The following TMOD1 variants were observed in gnomAD, a reference collection of about 807,000 sequenced individuals.
The protein encoded by TMOD1 is tropomodulin-1.
A neutral mutation model predicts 40.6 loss-of-function variants in TMOD1; 17 were observed. The ratio of observed to expected loss-of-function variants is 0.42; its 90% confidence interval spans 0.29 to 0.63. The LOEUF (loss-of-function observed/expected upper bound fraction) is 0.63. Among genes scored for constraint, TMOD1 ranks in the 20% least tolerant of loss-of-function variants. The pLI, the probability that TMOD1 is intolerant of heterozygous loss-of-function variation, is 0.22. For synonymous variants in TMOD1, 181 were observed against 175.0 expected (o/e 1.03, Z -0.27); for missense variants, 391 against 447.6 (o/e 0.87, Z 1.14).
chr9:97,509,613 C>T (rs1829662653), intron 1 of TMOD1, among the ~76,000 whole-genome samples: 1 of 151,672 alleles, frequency 6.6e-6, no homozygotes, highest in African/African-American at 2.4e-5. Flanking sequence ...GGTCCTCCCC[C>T]AAACCCCAGA....
rs9539 is a variant in TMOD1, at chr9:97,600,317, T to C, written c.*619T>C. On this transcript the variant is annotated 3_prime_UTR_variant, in exon 10 of 10. Coordinates refer to ENST00000259365, the MANE Select transcript of TMOD1 (RefSeq NM_003275.4). ...CCTTTTGCTGGATATGCAGAAATGA[T>C]AGGAAAAAAACCAATGGTGAAATTT... The C allele has an allele frequency of 0.028, 27,381 of 985,902 alleles. 4,807 individuals are homozygous for C. In the African/African-American group the frequency reaches 0.39, roughly 14 times the overall value. 61.1% of individuals were successfully genotyped at this position (985,902 alleles called of 1,614,324 possible). A position where few individuals can be genotyped will look rare whatever the true frequency, so the allele number is the denominator to read the frequency against.
At chr9:97,531,145 T>C (rs1307583734) in intron 2 of TMOD1, among the ~76,000 whole-genome samples, 3 of 150,190 alleles carry the variant, frequency 2.0e-5, no homozygotes, top group Non-Finnish European at 4.4e-5. Context: ...ATGCTAAGCA[T>C]TTTATGGGCA....
At chr9:97,561,250 G>A (rs996840699) in intron 4 of TMOD1, among the ~76,000 whole-genome samples, 1 of 152,180 alleles carries the variant, frequency 6.6e-6, no homozygotes, top group Admixed American at 6.5e-5. Flanking sequence ...GCTGTTCCTA[G>A]GAAAAGACAC....
At chr9:97,526,763 C>T (rs1357032366) in intron 2 of TMOD1, among the ~76,000 whole-genome samples, 2 of 152,150 alleles carry the variant, frequency 1.3e-5, no homozygotes, top group Admixed American at 1.3e-4. Flanking sequence ...TCCATGTGAC[C>T]TTGGACCAAG....
intron 8 of TMOD1, among the ~76,000 whole-genome samples, chr9:97,589,279 A>ATT (rs563136711): frequency 1.6e-4 from 18 of 109,468 alleles, no homozygotes; most frequent in East Asian, 2.7e-4. Flanking sequence ...AAACTCACTA[A>ATT]TTTTTTTTTT....
intron 8 of TMOD1, among the ~76,000 whole-genome samples, chr9:97,586,305 G>T (rs1212005003): frequency 2.0e-5 from 3 of 152,226 alleles, no homozygotes; most frequent in Non-Finnish European, 4.4e-5. Flanking sequence ...GTGCCTCCCA[G>T]TTAGGCTGCC....
intron 4 of TMOD1, among the ~76,000 whole-genome samples, chr9:97,559,866 T>C (rs2131262350): frequency 7.5e-6 from 1 of 134,090 alleles, no homozygotes; most frequent in East Asian, 2.3e-4. Flanking sequence ...GAGATTCTGA[T>C]TGGTTGGTCC....
chr9:97,512,283 T>A (rs10739429), intron 1 of TMOD1, among the ~76,000 whole-genome samples: 80,489 of 152,036 alleles, frequency 0.53, 21,740 homozygotes, highest in Middle Eastern at 0.63. Flanking sequence ...GTTGACAAGG[T>A]TGTGGAGCAG....
chr9:97,502,976 C>A lies in TMOD1; in HGVS notation c.-49+1173C>A, dbSNP rs1829530107. Reference sequence around the variant, plus strand: ...TTCACCCACCGCTACTATTACAGACCCTGTCTCCAGCCCTCGCCCTATGCC... The same window carrying A: ...TTCACCCACCGCTACTATTACAGACACTGTCTCCAGCCCTCGCCCTATGCC... On this transcript the variant is annotated intron_variant, in intron 1 of 9. Transcript: ENST00000259365. The surrounding 1 kb of genome is among the most constrained non-coding windows in gnomAD (Gnocchi z 6.1). Among the ~76,000 whole-genome samples, 1 of 152,136 alleles carries A rather than the reference C, an allele frequency of 6.6e-6. No individual in the cohort carries two copies. Among genetic ancestry groups the A allele is most frequent in the Non-Finnish European group, 1.5e-5 (1 of 68,026 alleles).
At chr9:97,505,516 C>T (rs538478292) in intron 1 of TMOD1, among the ~76,000 whole-genome samples, 1 of 152,298 alleles carries the variant, frequency 6.6e-6, no homozygotes, top group East Asian at 1.9e-4. Flanking sequence ...TGCCTCTGGG[C>T]ATCCTTCAGC....
intron 2 of TMOD1, among the ~76,000 whole-genome samples, chr9:97,531,939 G>T (rs766073480): frequency 6.6e-6 from 1 of 152,082 alleles, no homozygotes; most frequent in Admixed American, 6.5e-5. Flanking sequence ...CAAGTCAGCG[G>T]CCGAGCCAAG....
chr9:97,601,262 G>C lies in TMOD1; in HGVS notation c.*1564G>C. ...AATCTGTTGGTCTATGCATGGCTGC[G>C]TATGTGTTTCTTGGAACCTGTGTGA... On this transcript the variant is annotated 3_prime_UTR_variant, in exon 10 of 10. Transcript: ENST00000259365. 8.3e-7 allele frequency: 1 copy of C among 1,205,438 alleles called. No individual in the cohort carries two copies. Among genetic ancestry groups the C allele is most frequent in the Non-Finnish European group, 1.1e-6 (1 of 937,718 alleles). The allele number at this position is 1,205,438 out of a possible 1,614,324, so 74.7% of individuals were successfully genotyped here.
chr9:97,524,210 GA>G lies in TMOD1; in HGVS notation c.23del (p.Glu8GlyfsTer15). On this transcript the variant is annotated frameshift_variant, in exon 2 of 10. Coordinates refer to ENST00000259365, the MANE Select transcript of TMOD1 (RefSeq NM_003275.4). LOFTEE classifies it high-confidence loss of function. ...CACGATGTCGTACAGACGAGAACTA[GA>G]GAAATACCGTGACCTGGATGAAGAT... is the stretch of plus-strand genomic sequence containing the variant. MSYRREL[E>X]KYRDLDEDEI... 2 of 1,614,122 alleles carry G rather than the reference GA, an allele frequency of 1.2e-6. No individual in the cohort carries two copies. The highest frequency in any genetic ancestry group is 1.7e-6 in the Non-Finnish European group (2 of 1,179,986).
At chr9:97,586,933 A>G (rs919183487) in intron 8 of TMOD1, among the ~76,000 whole-genome samples, 22 of 152,140 alleles carry the variant, frequency 1.4e-4, no homozygotes, top group African/African-American at 4.8e-4. Flanking sequence ...TGAACCTGGT[A>G]CCTCAGATGG....
chr9:97,533,048 G>C (rs987727232), intron 2 of TMOD1, among the ~76,000 whole-genome samples: 1 of 152,132 alleles, frequency 6.6e-6, no homozygotes, highest in Non-Finnish European at 1.5e-5. Context: ...GTGCAGACCT[G>C]GTATTGCCAC....
chr9:97,501,351 C>T (rs1051367285), upstream of TMOD1: 2 of 152,226 alleles, frequency 1.3e-5, no homozygotes, highest in African/African-American at 4.8e-5. Flanking sequence ...TTCTAAACCC[C>T]ACAGGAATGC....
intron 1 of TMOD1, among the ~76,000 whole-genome samples, chr9:97,510,042 T>C (rs762207658): frequency 1.3e-5 from 2 of 152,180 alleles, no homozygotes; most frequent in Non-Finnish European, 2.9e-5. Flanking sequence ...CAAATATATT[T>C]TCCCCCAGCT....
intron 2 of TMOD1, among the ~76,000 whole-genome samples, chr9:97,539,748 C>T (rs962938515): frequency 5.9e-5 from 9 of 152,060 alleles, no homozygotes; most frequent in East Asian, 1.9e-4. Flanking sequence ...GGGCGGATCA[C>T]GAGGTCAGGA....
chr9:97,573,990 C>T (rs1293289740), intron 8 of TMOD1, among the ~76,000 whole-genome samples: 2 of 152,206 alleles, frequency 1.3e-5, no homozygotes, highest in African/African-American at 4.8e-5. Context: ...TAAGAATTAT[C>T]TATATTATTT....
Sources: gnomAD v4.1 joint callset for allele counts (sites outside exome capture counted in the v4.1 genomes callset) on GRCh38, gnomAD v4.1.1 for gene constraint, Gnocchi (gnomAD v3.1) non-coding constraint, MANE v1.5 for transcripts, NCBI Gene and HGNC (gene_info 2026-07-23, HGNC 2026-07-21) for gene names.